Variants in GULP1 observed in about 807,000 individuals in gnomAD.
GULP1 encodes the protein GULP PTB domain containing engulfment adaptor 1.
Under a neutral mutation model 40.9 loss-of-function variants are expected in GULP1, and 19 were observed. That is an observed-to-expected ratio of 0.46 (90% CI 0.32 to 0.68). The LOEUF (loss-of-function observed/expected upper bound fraction) is 0.68, where lower values mean the gene tolerates loss of function less well. Ranked by LOEUF, GULP1 falls within the 30% of genes least tolerant of loss-of-function variation. GULP1 has a pLI of 0.03. For synonymous variants in GULP1, 119 were observed against 117.6 expected (o/e 1.01, Z -0.08); for missense variants, 312 against 362.2 (o/e 0.86, Z 1.12).
At chr2:188,428,376 AG>A (rs2056468101) in intron 2 of GULP1, among the ~76,000 whole-genome samples, 1 of 152,168 alleles carries the variant, frequency 6.6e-6, no homozygotes, top group Non-Finnish European at 1.5e-5. Context: ...GAGATTTGGT[AG>A]GGGCCAGGGG....
intron 4 of GULP1, among the ~76,000 whole-genome samples, chr2:188,499,122 CATATATGTGTGTGTATATATAT>C (rs1438505309): frequency 3.4e-4 from 37 of 107,828 alleles, no homozygotes; most frequent in African/African-American, 1.1e-3. Context: ...TACAAATGCA[CATATATGTGTGTGTATATATAT>C]ATATATATAT....
Position 188,292,660 on chromosome 2 carries a change from G to A in GULP1, c.-172+494G>A, listed in dbSNP as rs2034025082. 6.5e-6 allele frequency: 1 copy of A among 152,692 alleles called. No individual in the cohort carries two copies. Among genetic ancestry groups the A allele is most frequent in the Non-Finnish European group, 1.5e-5 (1 of 68,470 alleles). The allele number at this position is 152,692 out of a possible 1,614,324, so 9.5% of individuals were successfully genotyped here. A position where few individuals can be genotyped will look rare whatever the true frequency, so the allele number is the denominator to read the frequency against. On this transcript the variant is annotated intron_variant, in intron 1 of 11. Coordinates refer to ENST00000409830, the MANE Select transcript of GULP1 (RefSeq NM_016315.4). This position sits in a 1 kb window ranked among gnomAD's most constrained non-coding sequence, Gnocchi z 4.0. Reference sequence around the variant, plus strand: ...GAGGCGACCCAGGAGCGAACTTCCAGGGCAGCCTCCCTTTTGTTGGCGCTG... The same window carrying A: ...GAGGCGACCCAGGAGCGAACTTCCAAGGCAGCCTCCCTTTTGTTGGCGCTG...
rs548010488 is a variant in GULP1 at position 188,373,210 on chromosome 2, C to T, written c.-171-10553C>T. ...GGAGAAGAACATTCTAGAGAGGAAT[C>T]AAGTACCTTCAGTACTAATCAGATT... On this transcript the variant is annotated intron_variant, in intron 1 of 11. Transcript: ENST00000409830. 2.6e-5 allele frequency among the ~76,000 whole-genome samples: 4 copies of T among 151,916 alleles called. No individual in the cohort carries two copies. In the South Asian group the frequency reaches 8.3e-4, roughly 32 times the overall value.
intron 3 of GULP1, 55 bp downstream of exon 3, chr2:188,477,785 T>TA: frequency 1.6e-5 from 21 of 1,292,928 alleles, no homozygotes; most frequent in Non-Finnish European, 2.3e-5. Flanking sequence ...GCTATGAACA[T>TA]AAGCAGCGAT....
intron 2 of GULP1, among the ~76,000 whole-genome samples, chr2:188,439,568 A>G (rs905611408): frequency 1.3e-5 from 2 of 152,114 alleles, no homozygotes; most frequent in Admixed American, 1.3e-4. Context: ...GTGTGTACAC[A>G]TATACACACA....
At chr2:188,566,670 C>CT (rs1697759050) in intron 7 of GULP1, among the ~76,000 whole-genome samples, 1 of 151,342 alleles carries the variant, frequency 6.6e-6, no homozygotes, top group Admixed American at 6.6e-5. Flanking sequence ...GTGGTGCGTG[C>CT]CTGTAGTCCC....
At chr2:188,459,980 C>G (rs142998963) in intron 2 of GULP1, among the ~76,000 whole-genome samples, 14 of 152,150 alleles carry the variant, frequency 9.2e-5, no homozygotes, top group Admixed American at 4.6e-4. Flanking sequence ...TCTGAATTCT[C>G]TATTGTGTTT....
intron 2 of GULP1, among the ~76,000 whole-genome samples, chr2:188,422,475 C>T (rs1021977795): frequency 1.1e-4 from 16 of 151,470 alleles, no homozygotes; most frequent in African/African-American, 3.1e-4. Context: ...TTAACCCCCT[C>T]CTTTACTTAA....
intron 1 of GULP1, among the ~76,000 whole-genome samples, chr2:188,351,534 C>G (rs1345672260): frequency 6.6e-6 from 1 of 152,072 alleles, no homozygotes; most frequent in African/African-American, 2.4e-5. Context: ...AAATTTTTCA[C>G]TGAAGTGCAC....
chr2:188,320,821 T>G (rs998860043), intron 1 of GULP1, among the ~76,000 whole-genome samples: 1 of 151,982 alleles, frequency 6.6e-6, no homozygotes, highest in South Asian at 2.1e-4. Flanking sequence ...TCAGTAATGT[T>G]TTAATAACAA....
intron 7 of GULP1, among the ~76,000 whole-genome samples, chr2:188,550,198 G>A (rs1249925312): frequency 6.6e-6 from 1 of 151,472 alleles, no homozygotes; most frequent in African/African-American, 2.4e-5. Context: ...ATAAAGTATG[G>A]CCTATTTGGA....
chr2:188,327,971 A>G (rs2040996654), intron 1 of GULP1, among the ~76,000 whole-genome samples: 1 of 152,116 alleles, frequency 6.6e-6, no homozygotes, highest in Non-Finnish European at 1.5e-5. Context: ...CTTCCAAATG[A>G]TCCTACATGC....
chr2:188,531,375 C>T (rs999393773), intron 6 of GULP1, among the ~76,000 whole-genome samples: 6 of 152,146 alleles, frequency 3.9e-5, no homozygotes, highest in African/African-American at 1.4e-4. Flanking sequence ...AATTTGCCCC[C>T]AGAATCAGAA....
chr2:188,570,780 C>T (rs1247421344), intron 9 of GULP1, among the ~76,000 whole-genome samples: 1 of 152,052 alleles, frequency 6.6e-6, no homozygotes, highest in African/African-American at 2.4e-5. Context: ...AAAATATATT[C>T]AGGAAAAGAT....
rs1685145715 is a variant in GULP1, at chr2:188,522,651, T to A, written c.91-105T>A. ...TAATTCTATTTAATTAACATATGAG[T>A]TTGCATTACTATTAAACCATTCTAT... On this transcript the variant is annotated intron_variant, in intron 4 of 11. Transcript: ENST00000409830. The A allele has an allele frequency of 1.4e-5, 7 of 501,288 alleles. No homozygotes were observed. The East Asian group carries it at 2.2e-4, about 16-fold the overall frequency. The allele number at this position is 501,288 out of a possible 1,614,324, so 31.1% of individuals were successfully genotyped here. A position where few individuals can be genotyped will look rare whatever the true frequency, so the allele number is the denominator to read the frequency against.
At chr2:188,359,555 T>C (rs1027057270) in intron 1 of GULP1, among the ~76,000 whole-genome samples, 1 of 152,146 alleles carries the variant, frequency 6.6e-6, no homozygotes, top group Non-Finnish European at 1.5e-5. Flanking sequence ...AATGAAAGCA[T>C]TTCATTAGAT....
At chr2:188,419,203 T>A (rs911597633) in intron 2 of GULP1, among the ~76,000 whole-genome samples, 1 of 152,180 alleles carries the variant, frequency 6.6e-6, no homozygotes, top group Non-Finnish European at 1.5e-5. Flanking sequence ...ATTTCAATTA[T>A]TTTGGATAAA....
chr2:188,580,153 A>C (rs1700961291), intron 9 of GULP1, among the ~76,000 whole-genome samples: 1 of 152,260 alleles, frequency 6.6e-6, no homozygotes, highest in African/African-American at 2.4e-5. Context: ...TGTAATTAAA[A>C]GGTGGCTACC....
At chr2:188,313,879 A>C (rs887632904) in intron 1 of GULP1, among the ~76,000 whole-genome samples, 1 of 151,790 alleles carries the variant, frequency 6.6e-6, no homozygotes, top group South Asian at 2.1e-4. Context: ...TTTATTGAGA[A>C]TTGGTATATA....
Sources: gnomAD v4.1 joint callset for allele counts (sites outside exome capture counted in the v4.1 genomes callset) on GRCh38, gnomAD v4.1.1 for gene constraint, Gnocchi (gnomAD v3.1) non-coding constraint, MANE v1.5 for transcripts, NCBI Gene and HGNC (gene_info 2026-07-23, HGNC 2026-07-21) for gene names.